Variants in NPAS3 observed in about 807,000 individuals in gnomAD.
The protein encoded by NPAS3 is neuronal PAS domain protein 3, also known as neuronal PAS domain-containing protein 3.
A neutral mutation model predicts 73.1 loss-of-function variants in NPAS3; 14 were observed. The ratio of observed to expected loss-of-function variants is 0.19; its 90% confidence interval spans 0.13 to 0.30. The LOEUF is 0.30. Ranked by LOEUF, NPAS3 falls within the 10% of genes least tolerant of loss-of-function variation. The pLI is 1.00. For missense variants in NPAS3, 1,096 were observed against 1,250.0 expected (o/e 0.88, Z 1.86); for synonymous variants, 620 against 541.5 (o/e 1.14, Z -2.01).
At chr14:33,216,236 A>T (rs1321470155) in intron 3 of NPAS3, among the ~76,000 whole-genome samples, 1 of 152,226 alleles carries the variant, frequency 6.6e-6, no homozygotes, top group Non-Finnish European at 1.5e-5. Flanking sequence ...TAGACACTTT[A>T]TAGCATGAAA....
At chr14:33,673,923 C>T (rs2059681091) in intron 5 of NPAS3, among the ~76,000 whole-genome samples, 2 of 152,172 alleles carry the variant, frequency 1.3e-5, no homozygotes, top group Admixed American at 6.5e-5. Flanking sequence ...GCAGCCTTAA[C>T]TACAGTATAC....
At chr14:33,261,913 G>C (rs914860981) in intron 3 of NPAS3, among the ~76,000 whole-genome samples, 2 of 152,160 alleles carry the variant, frequency 1.3e-5, no homozygotes, top group African/African-American at 4.8e-5. Flanking sequence ...CTTGCCTTGA[G>C]AGCAAGGGGA....
At chr14:33,022,268 G>A (rs1053833424) in intron 1 of NPAS3, among the ~76,000 whole-genome samples, 1 of 152,224 alleles carries the variant, frequency 6.6e-6, no homozygotes, top group African/African-American at 2.4e-5. Flanking sequence ...TGGAGCATAT[G>A]CCTTGATTTT....
intron 2 of NPAS3, 194 bp from the exon 3 acceptor site, chr14:33,214,988 A>C: frequency 1.7e-6 from 1 of 603,086 alleles, no homozygotes; most frequent in Admixed American, 3.2e-5. Context: ...TTGAGTTTAC[A>C]AAATGTAAGG....
At chr14:33,705,395 G>T (rs2060629300) in intron 6 of NPAS3, among the ~76,000 whole-genome samples, 1 of 152,200 alleles carries the variant, frequency 6.6e-6, no homozygotes, top group African/African-American at 2.4e-5. Context: ...TTGAAATGAA[G>T]ATATGTTGCT....
At chr14:33,663,661 A>G (rs1403625937) in intron 5 of NPAS3, among the ~76,000 whole-genome samples, 1 of 152,050 alleles carries the variant, frequency 6.6e-6, no homozygotes, top group East Asian at 1.9e-4. Flanking sequence ...TCAGCTATGA[A>G]TCCGTCTGGT....
intron 7 of NPAS3, among the ~76,000 whole-genome samples, chr14:33,773,774 G>C (rs961351867): frequency 6.6e-6 from 1 of 152,136 alleles, no homozygotes; most frequent in Non-Finnish European, 1.5e-5. Flanking sequence ...ATAAATCACT[G>C]TACCACTGGG....
At chr14:33,387,742 A>G (rs555131986) in intron 4 of NPAS3, among the ~76,000 whole-genome samples, 54 of 152,274 alleles carry the variant, frequency 3.5e-4, no homozygotes, top group African/African-American at 1.2e-3. Context: ...TCAGTGAAAT[A>G]ATGGTTTGTT....
chr14:33,313,897 C>T (rs2043104905), intron 3 of NPAS3, among the ~76,000 whole-genome samples: 1 of 151,956 alleles, frequency 6.6e-6, no homozygotes, highest in African/African-American at 2.4e-5. Flanking sequence ...AGCTTTGTTT[C>T]TCTTTTACCT....
At chr14:33,187,868 T>C (rs900362789) in intron 2 of NPAS3, among the ~76,000 whole-genome samples, 3 of 152,222 alleles carry the variant, frequency 2.0e-5, no homozygotes, top group African/African-American at 7.2e-5. Context: ...TGTTACTTCT[T>C]CTTGTTACCT....
At chr14:33,633,610 A>G (rs1418595182) in intron 5 of NPAS3, among the ~76,000 whole-genome samples, 1 of 152,190 alleles carries the variant, frequency 6.6e-6, no homozygotes, top group Non-Finnish European at 1.5e-5. Flanking sequence ...TTGTGTATCT[A>G]AACATAGAAA....
intron 3 of NPAS3, among the ~76,000 whole-genome samples, chr14:33,315,450 T>C (rs1044826005): frequency 1.3e-5 from 2 of 151,766 alleles, no homozygotes; most frequent in East Asian, 3.9e-4. Context: ...GAGAGTAATA[T>C]AGCAGGCATG....
At chr14:33,731,637 A>G (rs1397045987) in intron 6 of NPAS3, among the ~76,000 whole-genome samples, 1 of 152,132 alleles carries the variant, frequency 6.6e-6, no homozygotes, top group East Asian at 1.9e-4. Context: ...CAAGGGGAAC[A>G]GCAACCACAC....
chr14:33,414,084 A>T (rs552712125), intron 4 of NPAS3, among the ~76,000 whole-genome samples: 1 of 152,148 alleles, frequency 6.6e-6, no homozygotes, highest in Non-Finnish European at 1.5e-5. Flanking sequence ...GACTCAGGTT[A>T]TGTGCATATT....
intron 5 of NPAS3, among the ~76,000 whole-genome samples, chr14:33,568,708 G>T (rs1203848777): frequency 6.6e-6 from 1 of 152,178 alleles, no homozygotes; most frequent in Non-Finnish European, 1.5e-5. Context: ...AGAAGATAAG[G>T]TTTCATGACA....
intron 4 of NPAS3, among the ~76,000 whole-genome samples, chr14:33,435,817 T>G (rs1455356421): frequency 6.6e-6 from 1 of 152,180 alleles, no homozygotes; most frequent in Non-Finnish European, 1.5e-5. Context: ...TGATGTTATA[T>G]TTACCAGTGC....
chr14:33,640,190 G>A (rs1376687713), intron 5 of NPAS3, among the ~76,000 whole-genome samples: 5 of 141,416 alleles, frequency 3.5e-5, no homozygotes, highest in Non-Finnish European at 7.5e-5. Context: ...GAGACCCCCT[G>A]TTGAAAAAAA....
At chr14:33,660,516 C>CA (rs748735349) in intron 5 of NPAS3, among the ~76,000 whole-genome samples, 3 of 152,094 alleles carry the variant, frequency 2.0e-5, no homozygotes, top group Non-Finnish European at 4.4e-5. Context: ...TTTCCATTTG[C>CA]AAAAGGGTTT....
chr14:33,552,717 G>T (rs1359202639), intron 4 of NPAS3, among the ~76,000 whole-genome samples: 2 of 151,968 alleles, frequency 1.3e-5, no homozygotes, highest in African/African-American at 4.8e-5. Context: ...GTACCCGCGT[G>T]TGAGTGAACA....
Sources: gnomAD v4.1 joint callset for allele counts (sites outside exome capture counted in the v4.1 genomes callset) on GRCh38, gnomAD v4.1.1 for gene constraint, MANE v1.5 for transcripts, NCBI Gene and HGNC (gene_info 2026-07-23, HGNC 2026-07-21) for gene names.